The following BBS9 variants were observed in gnomAD, a reference collection of about 807,000 sequenced individuals.
BBS9 encodes the protein protein PTHB1.
A neutral mutation model predicts 117.7 loss-of-function variants in BBS9; 89 were observed. The ratio of observed to expected loss-of-function variants is 0.76; its 90% CI spans 0.64 to 0.90. The LOEUF (loss-of-function observed/expected upper bound fraction) is 0.90, where lower values mean the gene tolerates loss of function less well. Among genes scored for constraint, BBS9 ranks in the 40% least tolerant of loss-of-function variants. BBS9 has a pLI of 0.00. For missense variants in BBS9, 982 were observed against 1,042.2 expected (o/e 0.94, Z 0.80); for synonymous variants, 379 against 370.9 (o/e 1.02, Z -0.25).
chr7:33,250,475 G>T (rs964291084), intron 5 of BBS9, among the ~76,000 whole-genome samples: 3 of 152,168 alleles, frequency 2.0e-5, no homozygotes, highest in African/African-American at 7.2e-5. Flanking sequence ...AAGGCTTCCT[G>T]TTGGCTCTGT....
At position 33,461,990 on chromosome 7, in the gene BBS9, A is replaced by G. The variant is rs183703850; in HGVS notation, c.2116-43473A>G. 7.7e-3 allele frequency among the ~76,000 whole-genome samples: 1,170 copies of G among 152,142 alleles called. 18 individuals are homozygous for G. The highest frequency in any genetic ancestry group is 0.046 in the South Asian group (220 of 4,826). ...AGTGCTGGTGAAGCTAATTCTTCCC[A>G]TATCTAAGGTCGTTTTAATTTCATT... On this transcript the variant is annotated intron_variant, in intron 19 of 22. Coordinates refer to ENST00000242067, the MANE Select transcript of BBS9 (RefSeq NM_198428.3).
intron 19 of BBS9, among the ~76,000 whole-genome samples, chr7:33,489,201 C>T (rs1202321257): frequency 2.0e-5 from 3 of 151,764 alleles, no homozygotes; most frequent in African/African-American, 7.3e-5. Flanking sequence ...GCCATGTTGG[C>T]CAGGCTGGTC....
intron 20 of BBS9, among the ~76,000 whole-genome samples, chr7:33,526,499 C>T (rs1849521814): frequency 6.6e-6 from 1 of 151,306 alleles, no homozygotes. Flanking sequence ...TCATTCATTT[C>T]ATCTTCCATT....
chr7:33,398,770 G>A (rs1015454988), intron 19 of BBS9, among the ~76,000 whole-genome samples: 3 of 151,866 alleles, frequency 2.0e-5, no homozygotes, highest in East Asian at 3.9e-4. Flanking sequence ...ACAGAGTCTC[G>A]CCCCATCACC....
rs536259024 is a variant in BBS9 at position 33,527,187 on chromosome 7, A to C, written c.2299-6767A>C. On this transcript the variant is annotated intron_variant, in intron 20 of 22. Transcript: ENST00000242067. Reference sequence around the variant, plus strand: ...AGGGACATTTAAGTCTGCAGAGGTTACTGCTGTCTTTTTGTTTGTCTGTGC... The same window carrying C: ...AGGGACATTTAAGTCTGCAGAGGTTCCTGCTGTCTTTTTGTTTGTCTGTGC... Among the ~76,000 whole-genome samples, 18 of 152,280 alleles carry C rather than the reference A, an allele frequency of 1.2e-4. No homozygotes were observed. The South Asian group carries it at 2.5e-3, about 21-fold the overall frequency.
chr7:33,534,177 G>T lies in BBS9; in HGVS notation c.2521+1G>T. 6.2e-7 allele frequency: 1 copy of T among 1,613,532 alleles called. No homozygotes were observed. Among genetic ancestry groups the T allele is most frequent in the Non-Finnish European group, 8.5e-7 (1 of 1,179,558 alleles). On this transcript the variant is annotated splice_donor_variant, in intron 21 of 22. Transcript: ENST00000242067. LOFTEE classifies it high-confidence loss of function. ...GCCCCACAGACCATGGTCATGCCAG[G>T]TAAGAGCTCTGTCCATGCTCCCTAA...
chr7:33,282,109 T>C (rs1196425144), intron 9 of BBS9, among the ~76,000 whole-genome samples: 2 of 152,190 alleles, frequency 1.3e-5, no homozygotes, highest in Non-Finnish European at 2.9e-5. Flanking sequence ...CTACCATGCC[T>C]GGCCCCTTAT....
chr7:33,471,113 T>C (rs6977178), intron 19 of BBS9, among the ~76,000 whole-genome samples: 117,620 of 151,388 alleles, frequency 0.78, 46,509 homozygotes, highest in African/African-American at 0.93. Flanking sequence ...TCAACTTGGG[T>C]AACTCTTGGT....
chr7:33,296,137 G>T (rs909892287), intron 9 of BBS9, among the ~76,000 whole-genome samples: 1 of 151,974 alleles, frequency 6.6e-6, no homozygotes, highest in East Asian at 1.9e-4. Flanking sequence ...GGTAGAAAAA[G>T]ATTTTAACTA....
At chr7:33,196,831 G>A (rs1785031417) in intron 5 of BBS9, among the ~76,000 whole-genome samples, 1 of 152,150 alleles carries the variant, frequency 6.6e-6, no homozygotes, top group African/African-American at 2.4e-5. Flanking sequence ...AAAATCTCTG[G>A]TCCAAGACCT....
intron 5 of BBS9, among the ~76,000 whole-genome samples, chr7:33,179,344 A>T (rs934440338): frequency 6.6e-6 from 1 of 152,208 alleles, no homozygotes; most frequent in Non-Finnish European, 1.5e-5. Context: ...CCTGTTAGGA[A>T]CCGGGTTTCA....
chr7:33,146,490 A>G (rs1270616716), intron 2 of BBS9, 126 bp downstream of exon 2: 3 of 730,920 alleles, frequency 4.1e-6, no homozygotes, highest in Non-Finnish European at 4.9e-6. Context: ...TCACGAGGTC[A>G]GGAGTACGAG....
At chr7:33,286,612 C>G (rs1218705232) in intron 9 of BBS9, among the ~76,000 whole-genome samples, 3 of 151,988 alleles carry the variant, frequency 2.0e-5, no homozygotes, top group Non-Finnish European at 4.4e-5. Context: ...AGCTCTATTT[C>G]CCAGAGGAAA....
chr7:33,610,636 C>T (rs553967533), downstream of BBS9, among the ~76,000 whole-genome samples: 163 of 152,192 alleles, frequency 1.1e-3, no homozygotes, highest in Non-Finnish European at 1.8e-3. Flanking sequence ...TTAACAGTCT[C>T]GCCTCTAAAT....
chr7:33,544,336 G>A (rs1349328405), intron 21 of BBS9, among the ~76,000 whole-genome samples: 2 of 152,170 alleles, frequency 1.3e-5, no homozygotes, highest in African/African-American at 4.8e-5. Flanking sequence ...TCAGAGGGAA[G>A]GTCTATGGCT....
intron 5 of BBS9, among the ~76,000 whole-genome samples, chr7:33,220,038 T>TTAAGAACTGTAA (rs1789935772): frequency 6.6e-6 from 1 of 152,114 alleles, no homozygotes; most frequent in South Asian, 2.1e-4. Context: ...CACGCCGCCT[T>TTAAGAACTGTAA]TAAGAACTGT....
intron 5 of BBS9, among the ~76,000 whole-genome samples, chr7:33,198,572 C>CT (rs1562782454): frequency 6.6e-6 from 1 of 151,834 alleles, no homozygotes; most frequent in African/African-American, 2.4e-5. Flanking sequence ...AAGAAACTAG[C>CT]TTTTTTTCCT....
Position 33,383,748 on chromosome 7 carries a change from T to C in BBS9, c.1872T>C (p.Phe624=). The C allele has an allele frequency of 6.2e-7, 1 of 1,613,018 alleles. No homozygotes were observed. The highest frequency in any genetic ancestry group is 8.5e-7 in the Non-Finnish European group (1 of 1,179,618). The change falls in exon 18 of 23, where the codon TTT becomes TTC. Residue 624 remains phenylalanine (F), a synonymous_variant. Transcript: ENST00000242067. ...NELILRLQEY[F]EKQGVKDFAC... The stretch of plus-strand genomic sequence containing the variant: ...TTATTCTTCGCCTTCAAGAATATTT[T>C]GAAAAACAGGGAGTCAAAGATTTTG...
intron 4 of BBS9, among the ~76,000 whole-genome samples, chr7:33,175,030 G>A (rs1488926232): frequency 2.6e-5 from 4 of 152,312 alleles, no homozygotes; most frequent in Admixed American, 2.0e-4. Flanking sequence ...TTGGCCAGGT[G>A]CGGTGACTCA....
Sources: gnomAD v4.1 joint callset for allele counts (sites outside exome capture counted in the v4.1 genomes callset) on GRCh38, gnomAD v4.1.1 for gene constraint, MANE v1.5 for transcripts, NCBI Gene and HGNC (gene_info 2026-07-23, HGNC 2026-07-21) for gene names.